The following TMEM255B variants were observed in gnomAD, a reference collection of about 807,000 sequenced individuals.
TMEM255B encodes family with sequence similarity 70, member B.
TMEM255B carries 35 observed loss-of-function variants against 34.5 expected under a neutral mutation model. That is an observed-to-expected ratio of 1.01 (90% confidence interval 0.77 to 1.34). TMEM255B has a LOEUF of 1.34. TMEM255B is among the 40% of genes most tolerant of loss of function. TMEM255B has a pLI of 0.00. For synonymous variants in TMEM255B, 206 were observed against 201.2 expected (o/e 1.02, Z -0.20); for missense variants, 432 against 433.2 (o/e 1.00, Z 0.02).
Position 113,811,856 on chromosome 13 carries a change from C to T in TMEM255B, c.934C>T (p.Pro312Ser), listed in dbSNP as rs569808154. The change falls in exon 9 of 9, where the codon CCC becomes TCC. Residue 312 changes from proline (P) to serine (S), a missense_variant. Physicochemically the swap from Pro to Ser is moderately conservative, Grantham distance 74. Transcript: ENST00000375353. ...CGGCCAGGCTCCACCGTGCTACGCA[C>T]CCACCTACTTTCCCCCGGGGGAGAA... ...LPGQAPPCYA[P>S]TYFPPGEKPP... 8.1e-6 allele frequency: 13 copies of T among 1,613,802 alleles called. No homozygotes were observed. In the South Asian group the frequency reaches 1.3e-4, roughly 16 times the overall value.
At chr13:113,800,406 G>A (rs936686384) in intron 5 of TMEM255B, among the ~76,000 whole-genome samples, 2 of 151,438 alleles carry the variant, frequency 1.3e-5, no homozygotes, top group Non-Finnish European at 2.9e-5. Context: ...TGTCTCTTCT[G>A]AGGCTGCCAG....
chr13:113,760,378 G>GT (rs2050282656), intron 1 of TMEM255B, among the ~76,000 whole-genome samples: 1 of 152,158 alleles, frequency 6.6e-6, no homozygotes. Flanking sequence ...TTATTAACTA[G>GT]TTTTATCATT....
rs78428785 is a variant in TMEM255B at position 113,761,866 on chromosome 13, G to A, written c.46+2551G>A. Among the ~76,000 whole-genome samples the A allele has an allele frequency of 5.1e-4, 78 of 152,220 alleles. No homozygotes were observed. In the East Asian group the frequency reaches 0.012, roughly 23 times the overall value. On this transcript the variant is annotated intron_variant, in intron 1 of 8. Coordinates refer to ENST00000375353, the MANE Select transcript of TMEM255B (RefSeq NM_182614.4). ...CCTCATCTGAGCCCCGGGAACCGGC[G>A]ACAAACAAGAGACAGAGCTCTTGGC... is the stretch of plus-strand genomic sequence containing the variant.
chr13:113,763,500 GA>G (rs1392172382), intron 1 of TMEM255B, among the ~76,000 whole-genome samples: 4 of 152,158 alleles, frequency 2.6e-5, no homozygotes, highest in African/African-American at 9.6e-5. Context: ...AAACGACCGT[GA>G]ACATATAACC....
At chr13:113,762,120 CAAGG>C (rs2050319072) in intron 1 of TMEM255B, among the ~76,000 whole-genome samples, 1 of 133,102 alleles carries the variant, frequency 7.5e-6, no homozygotes, top group Non-Finnish European at 1.6e-5. Context: ...AAAAAAAAAT[CAAGG>C]AAATTATTCA....
intron 1 of TMEM255B, among the ~76,000 whole-genome samples, chr13:113,764,997 C>A (rs2050365916): frequency 6.6e-6 from 1 of 152,206 alleles, no homozygotes; most frequent in South Asian, 2.1e-4. Context: ...CGGGGGCAGC[C>A]TGGCTGGCTG....
intron 3 of TMEM255B, among the ~76,000 whole-genome samples, chr13:113,780,781 A>C (rs1855830047): frequency 6.6e-6 from 1 of 152,240 alleles, no homozygotes; most frequent in African/African-American, 2.4e-5. Flanking sequence ...AAACAAGACA[A>C]CAATTGCCTA....
intron 5 of TMEM255B, chr13:113,799,782 C>T (rs1417598290): frequency 4.5e-6 from 3 of 664,672 alleles, no homozygotes; most frequent in South Asian, 1.5e-5. Context: ...CCCTGAGCCA[C>T]CGACAGCGGC....
At position 113,812,022 on chromosome 13, in the gene TMEM255B, T is replaced by C; in HGVS notation, c.*119T>C. 7.6e-7 allele frequency: 1 copy of C among 1,315,848 alleles called. No individual in the cohort carries two copies. The highest frequency in any genetic ancestry group is 1.4e-5 in the South Asian group (1 of 69,894). 81.5% of individuals were successfully genotyped at this position (1,315,848 alleles called of 1,614,324 possible). A position where few individuals can be genotyped will look rare whatever the true frequency, so the allele number is the denominator to read the frequency against. On this transcript the variant is annotated 3_prime_UTR_variant, in exon 9 of 9. Coordinates refer to ENST00000375353, the MANE Select transcript of TMEM255B (RefSeq NM_182614.4). ...AACCCGGGAGAATGTTCCAGAAGTC[T>C]GTCCCCTCCTTTCCTCCCTGGGCAC...
chr13:113,795,841 G>T (rs1379539720), intron 4 of TMEM255B, among the ~76,000 whole-genome samples: 2 of 123,204 alleles, frequency 1.6e-5, no homozygotes, highest in East Asian at 5.2e-4. Flanking sequence ...ACAACACACA[G>T]AGCACACAGC....
chr13:113,762,371 A>G (rs898303085), intron 1 of TMEM255B, among the ~76,000 whole-genome samples: 1 of 152,132 alleles, frequency 6.6e-6, no homozygotes, highest in Non-Finnish European at 1.5e-5. Context: ...ATTGAATGAG[A>G]TGATTTGCAA....
intron 3 of TMEM255B, among the ~76,000 whole-genome samples, chr13:113,787,569 T>C (rs958452507): frequency 2.6e-5 from 4 of 152,014 alleles, no homozygotes; most frequent in African/African-American, 9.7e-5. Context: ...CCCCTGAGTT[T>C]TGTGGTTCTG....
intron 3 of TMEM255B, among the ~76,000 whole-genome samples, chr13:113,775,651 G>A (rs1168488826): frequency 2.0e-5 from 3 of 152,250 alleles, no homozygotes; most frequent in African/African-American, 7.2e-5. Context: ...TGGATCCCAC[G>A]ACCTCACCCA....
At chr13:113,801,990 G>A (rs191683773) in intron 7 of TMEM255B, among the ~76,000 whole-genome samples, 178 bp downstream of exon 7, 256 of 152,344 alleles carry the variant, frequency 1.7e-3, no homozygotes, top group African/African-American at 4.3e-3. Context: ...CCTCGGGGCC[G>A]TCCTGTCCCA....
At position 113,804,610 on chromosome 13, in the gene TMEM255B, C is replaced by T. The variant is rs1393908147; in HGVS notation, c.670-275C>T. On this transcript the variant is annotated intron_variant, in intron 7 of 8. Transcript: ENST00000375353. ...GCCTGGGTATAAACGCACGCCGGGC[C>T]GGGGTTAGCTCCAGCCTGGGTATAA... Among the ~76,000 whole-genome samples the T allele has an allele frequency of 2.6e-5, 4 of 151,510 alleles. No homozygotes were observed. The East Asian group carries it at 5.9e-4, about 22-fold the overall frequency.
chr13:113,762,794 C>T (rs2140798674), intron 1 of TMEM255B, among the ~76,000 whole-genome samples: 1 of 152,126 alleles, frequency 6.6e-6, no homozygotes, highest in East Asian at 1.9e-4. Context: ...GGGACAGGAG[C>T]CCCACGGAAG....
At chr13:113,764,463 C>A (rs2050356960) in intron 1 of TMEM255B, among the ~76,000 whole-genome samples, 1 of 152,174 alleles carries the variant, frequency 6.6e-6, no homozygotes, top group Non-Finnish European at 1.5e-5. Flanking sequence ...AGGAGGGTGG[C>A]TTTCAGAAGG....
At chr13:113,803,073 C>A (rs1180426434) in intron 7 of TMEM255B, 2 of 148,472 alleles carry the variant, frequency 1.3e-5, no homozygotes. Flanking sequence ...AGACAGGACA[C>A]AGAAACGCTT....
At chr13:113,767,801 A>G (rs1400716264) in intron 2 of TMEM255B, among the ~76,000 whole-genome samples, 1 of 152,230 alleles carries the variant, frequency 6.6e-6, no homozygotes, top group Non-Finnish European at 1.5e-5. Context: ...ACATCTCCAC[A>G]TTTTCAAGAA....
Sources: gnomAD v4.1 joint callset for allele counts (sites outside exome capture counted in the v4.1 genomes callset) on GRCh38, gnomAD v4.1.1 for gene constraint, MANE v1.5 for transcripts, NCBI Gene and HGNC (gene_info 2026-07-23, HGNC 2026-07-21) for gene names.